NEDD9: variants seen among roughly 807,000 people sequenced by gnomAD.
The protein encoded by NEDD9 is enhancer of filamentation 1.
Under a neutral mutation model 76.6 loss-of-function variants are expected in NEDD9, and 26 were observed. The observed-to-expected ratio is 0.34, with a 90% confidence interval of 0.25 to 0.47. The LOEUF (loss-of-function observed/expected upper bound fraction) is 0.47. NEDD9 is among the 20% of genes least tolerant of loss of function. The probability of loss-of-function intolerance (pLI) is 1.00; values close to 1 mark genes in which losing one functional copy is unlikely to be tolerated. For synonymous variants in NEDD9, 392 were observed against 414.2 expected, an observed-to-expected ratio of 0.95 and a Z score of 0.65; for missense variants, 937 against 1,058.5, an observed-to-expected ratio of 0.89 and a Z score of 1.59.
intron 2 of NEDD9, among the ~76,000 whole-genome samples, chr6:11,204,247 T>C (rs907053616): frequency 4.6e-5 from 7 of 152,226 alleles, no homozygotes; most frequent in Admixed American, 4.6e-4. Context: ...ACGCTAGCAA[T>C]ACATGTTAGA....
At chr6:11,355,582 G>T (rs943866391) in intron 1 of NEDD9, among the ~76,000 whole-genome samples, 1 of 152,156 alleles carries the variant, frequency 6.6e-6, no homozygotes, top group Non-Finnish European at 1.5e-5. Context: ...TGAATGGTCA[G>T]TCACATGTTT....
At chr6:11,308,952 A>G (rs762919145) in intron 2 of NEDD9, among the ~76,000 whole-genome samples, 13 of 152,248 alleles carry the variant, frequency 8.5e-5, no homozygotes, top group Non-Finnish European at 1.8e-4. Flanking sequence ...TTTGTATATA[A>G]GCAAAGCAGC....
intron 3 of NEDD9, among the ~76,000 whole-genome samples, chr6:11,264,869 G>GTTTCTTTC (rs138679710): frequency 9.9e-5 from 15 of 151,970 alleles, no homozygotes; most frequent in African/African-American, 2.7e-4. Context: ...TTGTTTGTTT[G>GTTTCTTTC]TTTCTTTTTT....
intron 1 of NEDD9, among the ~76,000 whole-genome samples, chr6:11,366,298 A>AAGGAAGGAAGGAAGGAAGGAAGGAAG (rs1439789755): frequency 0.015 from 1,375 of 94,570 alleles, 8 homozygotes; most frequent in African/African-American, 0.034. Context: ...AAGGAAGGAA[A>AAGGAAGGAAGGAAGGAAGGAAGGAAG]GAAAGAAAGA....
intron 5 of NEDD9, among the ~76,000 whole-genome samples, chr6:11,189,590 T>C (rs1448115607): frequency 6.6e-6 from 1 of 152,104 alleles, no homozygotes; most frequent in African/African-American, 2.4e-5. Flanking sequence ...CAAATAGAAG[T>C]GGAGCTGGTA....
At chr6:11,296,283 G>A (rs1365797017) in intron 3 of NEDD9, among the ~76,000 whole-genome samples, 4 of 152,024 alleles carry the variant, frequency 2.6e-5, no homozygotes, top group South Asian at 2.1e-4. Flanking sequence ...TACAATAGGC[G>A]GATTTAGAGG....
intron 4 of NEDD9, among the ~76,000 whole-genome samples, chr6:11,191,722 C>T (rs1758149730): frequency 6.6e-6 from 1 of 152,192 alleles, no homozygotes; most frequent in Non-Finnish European, 1.5e-5. Flanking sequence ...CTGTCAAACC[C>T]TCTACAGGCC....
At chr6:11,366,409 A>C (rs530079836) in intron 1 of NEDD9, among the ~76,000 whole-genome samples, 1 of 147,018 alleles carries the variant, frequency 6.8e-6, no homozygotes, top group African/African-American at 2.5e-5. Flanking sequence ...ATAAAAGAAG[A>C]AAGAAAAAAG....
intron 2 of NEDD9, among the ~76,000 whole-genome samples, chr6:11,201,387 G>A (rs908066861): frequency 4.6e-5 from 7 of 152,124 alleles, no homozygotes; most frequent in Non-Finnish European, 2.9e-5. Context: ...CAGCCCTGTG[G>A]GTCACCCACC....
intron 1 of NEDD9, among the ~76,000 whole-genome samples, chr6:11,340,453 A>G (rs1378277571): frequency 6.6e-6 from 1 of 152,206 alleles, no homozygotes; most frequent in Non-Finnish European, 1.5e-5. Flanking sequence ...TGCACCAGGT[A>G]TAATTTAGAG....
chr6:11,375,040 C>T (rs1483379219), intron 1 of NEDD9, among the ~76,000 whole-genome samples: 2 of 152,212 alleles, frequency 1.3e-5, no homozygotes, highest in African/African-American at 4.8e-5. Context: ...TTTCACTTCT[C>T]TGCTCAAGTA....
chr6:11,292,347 G>A (rs181097141), intron 3 of NEDD9, among the ~76,000 whole-genome samples: 9 of 152,306 alleles, frequency 5.9e-5, no homozygotes, highest in East Asian at 3.9e-4. Flanking sequence ...CTTGGTCAGC[G>A]TCTTCTTGAC....
chr6:11,375,744 T>C (rs1762959420), intron 1 of NEDD9, among the ~76,000 whole-genome samples: 1 of 152,242 alleles, frequency 6.6e-6, no homozygotes, highest in Non-Finnish European at 1.5e-5. Flanking sequence ...GTAACCTTCC[T>C]GAGGCCTCAC....
At chr6:11,285,280 A>G (rs998040062) in intron 3 of NEDD9, among the ~76,000 whole-genome samples, 15 of 152,312 alleles carry the variant, frequency 9.8e-5, no homozygotes, top group African/African-American at 3.6e-4. Context: ...GAGAAATGAT[A>G]TTTTGGTGTA....
intron 3 of NEDD9, among the ~76,000 whole-genome samples, chr6:11,261,940 C>G (rs777157108): frequency 1.3e-5 from 2 of 152,232 alleles, no homozygotes; most frequent in African/African-American, 2.4e-5. Context: ...TGGAACTCAG[C>G]TCCTTGGAAT....
At chr6:11,218,902 C>T (rs1759055158) in intron 1 of NEDD9, among the ~76,000 whole-genome samples, 1 of 152,118 alleles carries the variant, frequency 6.6e-6, no homozygotes, top group Non-Finnish European at 1.5e-5. Flanking sequence ...AACTAGTGTT[C>T]GCAACTACGG....
At chr6:11,353,472 G>A (rs1029672530) in intron 1 of NEDD9, among the ~76,000 whole-genome samples, 3 of 152,224 alleles carry the variant, frequency 2.0e-5, no homozygotes, top group Admixed American at 6.5e-5. Context: ...GGGGCTGCTG[G>A]AAGCTGAAAG....
chr6:11,351,578 T>C (rs1762470564), intron 1 of NEDD9, among the ~76,000 whole-genome samples: 1 of 152,180 alleles, frequency 6.6e-6, no homozygotes, highest in South Asian at 2.1e-4. Context: ...GATGCCCGCA[T>C]ACTCAGAGGA....
chr6:11,327,381 C>T (rs146692677), intron 2 of NEDD9, among the ~76,000 whole-genome samples: 7 of 152,276 alleles, frequency 4.6e-5, no homozygotes, highest in Non-Finnish European at 5.9e-5. Context: ...GTTATTGCAC[C>T]GCGTTCATAC....
Sources: gnomAD v4.1 joint callset for allele counts (sites outside exome capture counted in the v4.1 genomes callset) on GRCh38, gnomAD v4.1.1 for gene constraint, MANE v1.5 for transcripts, NCBI Gene and HGNC (gene_info 2026-07-23, HGNC 2026-07-21) for gene names.